Variants in CNTNAP2 observed in about 807,000 individuals in gnomAD.
The protein encoded by CNTNAP2 is contactin-associated protein-like 2.
A neutral mutation model predicts 155.2 loss-of-function variants in CNTNAP2; 98 were observed. That is an observed-to-expected ratio of 0.63 (90% CI 0.54 to 0.75). The LOEUF (loss-of-function observed/expected upper bound fraction) is 0.75. Ranked by LOEUF, CNTNAP2 falls within the 30% of genes least tolerant of loss-of-function variation. The probability of loss-of-function intolerance (pLI) is 0.00; values close to 1 mark genes in which losing one functional copy is unlikely to be tolerated. For synonymous variants in CNTNAP2, 651 were observed against 631.2 expected (o/e 1.03, Z -0.47); for missense variants, 1,727 against 1,688.1 (o/e 1.02, Z -0.40).
At chr7:147,428,396 T>G (rs367660716) in intron 10 of CNTNAP2, among the ~76,000 whole-genome samples, 5 of 152,162 alleles carry the variant, frequency 3.3e-5, no homozygotes, top group Admixed American at 3.3e-4. Context: ...CAGTGTAAGA[T>G]GAAGGCCCTC....
chr7:146,861,869 G>A (rs1585126836), intron 3 of CNTNAP2, among the ~76,000 whole-genome samples: 1 of 152,172 alleles, frequency 6.6e-6, no homozygotes, highest in African/African-American at 2.4e-5. Flanking sequence ...TCTGAACAGA[G>A]ATGTATACTG....
chr7:146,655,007 T>C (rs1799972226), intron 1 of CNTNAP2, among the ~76,000 whole-genome samples: 2 of 152,202 alleles, frequency 1.3e-5, no homozygotes, highest in Non-Finnish European at 2.9e-5. Context: ...AAATCTGTAA[T>C]GATATCTCTC....
chr7:146,788,014 G>A (rs1563231026), intron 2 of CNTNAP2, among the ~76,000 whole-genome samples: 1 of 152,284 alleles, frequency 6.6e-6, no homozygotes, highest in African/African-American at 2.4e-5. Flanking sequence ...TTAACTAGAC[G>A]GAAAAGTTCT....
At chr7:146,886,399 G>GA (rs1457292394) in intron 3 of CNTNAP2, among the ~76,000 whole-genome samples, 4 of 151,522 alleles carry the variant, frequency 2.6e-5, no homozygotes, top group Non-Finnish European at 4.4e-5. Flanking sequence ...AACAGACAAA[G>GA]AAAAAAATTG....
intron 1 of CNTNAP2, among the ~76,000 whole-genome samples, chr7:146,679,135 T>C (rs939579928): frequency 1.3e-5 from 2 of 152,124 alleles, no homozygotes; most frequent in African/African-American, 2.4e-5. Context: ...CCATTAGTTA[T>C]TATTTCTGAT....
intron 1 of CNTNAP2, among the ~76,000 whole-genome samples, chr7:146,290,879 G>A (rs1186548643): frequency 6.6e-6 from 1 of 152,160 alleles, no homozygotes; most frequent in Non-Finnish European, 1.5e-5. Context: ...CAAGAATATT[G>A]TCACTGCATA....
chr7:146,596,913 C>G (rs1798870814), intron 1 of CNTNAP2, among the ~76,000 whole-genome samples: 2 of 152,064 alleles, frequency 1.3e-5, no homozygotes. Context: ...TGTGATGAAA[C>G]TGTTCCAAAA....
intron 5 of CNTNAP2, among the ~76,000 whole-genome samples, chr7:147,109,433 T>C (rs1290947076): frequency 6.6e-6 from 1 of 152,170 alleles, no homozygotes; most frequent in Non-Finnish European, 1.5e-5. Flanking sequence ...GAGATCAGTT[T>C]GGACATGGTT....
intron 8 of CNTNAP2, among the ~76,000 whole-genome samples, chr7:147,275,473 C>T (rs926609182): frequency 9.9e-5 from 15 of 151,524 alleles, no homozygotes; most frequent in Admixed American, 8.6e-4. Flanking sequence ...TGATTTGGTT[C>T]TCAGCTCGAA....
rs1177647839 is a variant in CNTNAP2, at chr7:146,322,639, T to TTTTTTTTTTTTTC, written c.97+205678_97+205679insCTTTTTTTTTTTT. ...GAGACTGTTGTGTTCATTCTCTTTT[T>TTTTTTTTTTTTTC]TTTTTTTTTTTTTGCTGGCTATGAC... On this transcript the variant is annotated intron_variant, in intron 1 of 23. Coordinates refer to ENST00000361727, the MANE Select transcript of CNTNAP2 (RefSeq NM_014141.6). Among the ~76,000 whole-genome samples the TTTTTTTTTTTTTC allele has an allele frequency of 3.7e-5, 5 of 136,612 alleles. 1 individual carries two copies. Among genetic ancestry groups the TTTTTTTTTTTTTC allele is most frequent in the African/African-American group, 1.3e-4 (5 of 37,546 alleles). The allele number at this position is 136,612 out of a possible 152,430, so 89.6% of individuals were successfully genotyped here. A position where few individuals can be genotyped will look rare whatever the true frequency, so the allele number is the denominator to read the frequency against.
chr7:147,710,970 T>A (rs1796393093), intron 13 of CNTNAP2, among the ~76,000 whole-genome samples: 1 of 152,196 alleles, frequency 6.6e-6, no homozygotes, highest in Admixed American at 6.5e-5. Context: ...TTAGCCTCAT[T>A]GTTACTCGAA....
intron 2 of CNTNAP2, among the ~76,000 whole-genome samples, chr7:146,776,112 C>T (rs1174072967): frequency 6.6e-6 from 1 of 152,046 alleles, no homozygotes; most frequent in African/African-American, 2.4e-5. Flanking sequence ...AAACAAGGGA[C>T]TGGCCATACC....
rs909305749 is a variant in CNTNAP2 at position 147,759,201 on chromosome 7, A to C, written c.2098+119895A>C. On this transcript the variant is annotated intron_variant, in intron 13 of 23. Transcript: ENST00000361727. ...TCCAGGTTGTTACTGATAGACATAA[A>C]ATTATTTTATAAAAAGAAATTATGT... is the stretch of plus-strand genomic sequence containing the variant. Among the ~76,000 whole-genome samples, 4 of 152,276 alleles carry C rather than the reference A, an allele frequency of 2.6e-5. No individual in the cohort carries two copies. In the South Asian group the frequency reaches 8.3e-4, roughly 32 times the overall value.
chr7:148,123,885 G>C (rs1376680401), intron 16 of CNTNAP2, among the ~76,000 whole-genome samples: 2 of 152,130 alleles, frequency 1.3e-5, no homozygotes, highest in Non-Finnish European at 2.9e-5. Flanking sequence ...ATATTGCTGA[G>C]AGGTCCCTAA....
chr7:146,942,527 T>C (rs1490616193), intron 3 of CNTNAP2, among the ~76,000 whole-genome samples: 3 of 152,156 alleles, frequency 2.0e-5, no homozygotes, highest in South Asian at 2.1e-4. Flanking sequence ...TTACAAGCTA[T>C]ATATCAGTTA....
intron 6 of CNTNAP2, among the ~76,000 whole-genome samples, chr7:147,127,084 T>C (rs976591952): frequency 9.2e-5 from 14 of 152,198 alleles, no homozygotes; most frequent in African/African-American, 3.1e-4. Flanking sequence ...GGAAAAATTG[T>C]TCAAAAAGAT....
rs1026778051 is a variant in CNTNAP2 at position 147,558,828 on chromosome 7, C to T, written c.1778-3310C>T. 5.3e-5 allele frequency among the ~76,000 whole-genome samples: 8 copies of T among 151,912 alleles called. No homozygotes were observed. The South Asian group carries it at 8.3e-4, about 16-fold the overall frequency. On this transcript the variant is annotated intron_variant, in intron 11 of 23. Transcript: ENST00000361727. ...CACAATCTTATCTCACTGCATCCTT[C>T]GCCTCCTGGGTTCAAGCGATTCTCC...
chr7:148,374,736 A>T (rs11765059), intron 21 of CNTNAP2, among the ~76,000 whole-genome samples: 50,533 of 152,226 alleles, frequency 0.33, 10,059 homozygotes, highest in East Asian at 0.66. Flanking sequence ...AAACATTCCA[A>T]TGAGTAAGAA....
At chr7:146,131,363 A>T (rs1797710733) in intron 1 of CNTNAP2, among the ~76,000 whole-genome samples, 1 of 152,204 alleles carries the variant, frequency 6.6e-6, no homozygotes, top group Non-Finnish European at 1.5e-5. Flanking sequence ...TAATATTTTG[A>T]TATACAGAGT....
Sources: allele counts gnomAD v4.1 joint callset (sites outside exome capture counted in the v4.1 genomes callset), GRCh38; gene constraint gnomAD v4.1.1; transcripts MANE v1.5; gene names NCBI Gene and HGNC (gene_info 2026-07-23, HGNC 2026-07-21).